INF2: variants seen among roughly 807,000 people sequenced by gnomAD.
The protein encoded by INF2 is inverted formin 2, also known as inverted formin-2.
INF2 carries 43 observed loss-of-function variants against 123.5 expected under a neutral mutation model. The ratio of observed to expected loss-of-function variants is 0.35; its 90% confidence interval spans 0.27 to 0.45. The LOEUF is 0.45. INF2 is among the 20% of genes least tolerant of loss of function. The probability of loss-of-function intolerance (pLI) is 1.00; values close to 1 mark genes in which losing one functional copy is unlikely to be tolerated. For synonymous variants in INF2, 851 were observed against 745.0 expected, an observed-to-expected ratio of 1.14 and a Z score of -2.32; for missense variants, 1,453 against 1,682.7, an observed-to-expected ratio of 0.86 and a Z score of 2.39.
Position 104,684,208 on chromosome 14 carries a change from CTG to C in INF2, c.-104+2627_-104+2628del. 2.2e-6 allele frequency: 1 copy of C among 447,580 alleles called. No individual in the cohort carries two copies. The highest frequency in any genetic ancestry group is 1.6e-5 in the South Asian group (1 of 63,780). The allele number at this position is 447,580 out of a possible 1,614,324, so 27.7% of individuals were successfully genotyped here. ...TCCCATCTGGACTCCCACCAGACAA[CTG>C]AGGCAACCGAGAAGGAGGCTGGGGA... is the stretch of plus-strand genomic sequence containing the variant. On this transcript the variant is annotated intron_variant, in intron 1 of 2. Coordinates refer to the INF2 transcript ENST00000674723. This position sits in a 1 kb window ranked among gnomAD's most constrained non-coding sequence, Gnocchi z 5.0.
chr14:104,713,330 C>T (rs541392401), intron 19 of INF2, 21 bp downstream of exon 19: 24 of 1,550,730 alleles, frequency 1.5e-5, no homozygotes, highest in East Asian at 1.2e-4. Flanking sequence ...GCCGGCTGGG[C>T]GGGGAGGGGG....
chr14:104,683,140 A>G (rs1224020865), intron 1 of INF2, among the ~76,000 whole-genome samples: 3 of 151,382 alleles, frequency 2.0e-5, no homozygotes, highest in African/African-American at 4.8e-5. Context: ...AAAGGTCCTC[A>G]AAGACACAGA....
At chr14:104,697,558 T>C (rs934430635) in intron 1 of INF2, among the ~76,000 whole-genome samples, 2 of 152,236 alleles carry the variant, frequency 1.3e-5, no homozygotes, top group Non-Finnish European at 2.9e-5. Flanking sequence ...AGCTTGACTG[T>C]TGACTGCTAG....
chr14:104,705,863 G>C (rs987525146), intron 5 of INF2, among the ~76,000 whole-genome samples, 172 bp from the exon 6 acceptor site: 2 of 152,238 alleles, frequency 1.3e-5, no homozygotes, highest in Non-Finnish European at 2.9e-5. Flanking sequence ...GCCACTCTTA[G>C]GTCGCTATCC....
At chr14:104,687,110 G>A (rs1343985566), upstream of INF2, among the ~76,000 whole-genome samples, 1 of 152,204 alleles carries the variant, frequency 6.6e-6, no homozygotes, top group Admixed American at 6.5e-5. This position sits in a 1 kb window ranked among gnomAD's most constrained non-coding sequence, Gnocchi z 5.6. Context: ...CGACACCCAG[G>A]AGGGGAGGCT....
chr14:104,699,958 G>A lies in INF2; in HGVS notation c.-9-1399G>A, dbSNP rs930003884. 1.6e-4 allele frequency among the ~76,000 whole-genome samples: 25 copies of A among 152,256 alleles called. No individual in the cohort carries two copies. Among genetic ancestry groups the A allele is most frequent in the Admixed American group, 5.9e-4 (9 of 15,304 alleles). ...CAGGTGGAGGGCTGAGGGGCGGTGC[G>A]GGGAGTAGGGGCTGGACTGCCGGAA... On this transcript the variant is annotated intron_variant, in intron 1 of 22. Coordinates refer to ENST00000392634, the MANE Select transcript of INF2 (RefSeq NM_022489.4). The surrounding 1 kb of genome is among the most constrained non-coding windows in gnomAD (Gnocchi z 4.7).
At chr14:104,681,246 A>G (rs1228236635) in exon 1 of INF2, 1 of 347,602 alleles carries the variant, frequency 2.9e-6, no homozygotes, top group African/African-American at 2.1e-5. Flanking sequence ...GGGCCCTCCC[A>G]GCGCCCCACT....
At position 104,707,067 on chromosome 14, in the gene INF2, A is replaced by G. The variant is rs758632069; in HGVS notation, c.985+16A>G. 1.5e-5 allele frequency: 23 copies of G among 1,568,624 alleles called. No individual in the cohort carries two copies. The highest frequency in any genetic ancestry group is 2.3e-5 in the South Asian group (2 of 86,700). On this transcript the variant is annotated intron_variant, in intron 7 of 22. Coordinates refer to ENST00000392634, the MANE Select transcript of INF2 (RefSeq NM_022489.4). ...GCCAGCGATGGTGAGGGGGCGGGGC[A>G]GGGGCGTAGGCACAGCCTGGTGGGC...
chr14:104,689,535 G>A, upstream of INF2: 2 of 566,780 alleles, frequency 3.5e-6, no homozygotes, highest in Non-Finnish European at 2.1e-6. Context: ...CCCGCCCCCG[G>A]CCCGCGCTCG....
intron 22 of INF2, among the ~76,000 whole-genome samples, chr14:104,717,159 A>G (rs207475216): frequency 6.6e-6 from 1 of 152,362 alleles, no homozygotes; most frequent in East Asian, 1.9e-4. Context: ...TCTTATAAAC[A>G]TCATGGCACT....
At chr14:104,715,674 T>C in intron 22 of INF2, 1 of 556,394 alleles carries the variant, frequency 1.8e-6, no homozygotes, top group Non-Finnish European at 3.4e-6. Context: ...GGGCGGGACC[T>C]CCTGGCTGGC....
chr14:104,717,221 T>TC (rs1253861680), intron 22 of INF2, among the ~76,000 whole-genome samples: 5 of 148,416 alleles, frequency 3.4e-5, no homozygotes, highest in East Asian at 2.0e-4. Context: ...TCTTCCTCAG[T>TC]CCCCCCCGGG....
At chr14:104,707,149 C>G (rs1417036734) in intron 7 of INF2, 98 bp downstream of exon 7, 8 of 1,508,652 alleles carry the variant, frequency 5.3e-6, no homozygotes, top group Non-Finnish European at 6.2e-6. Flanking sequence ...CCAACCCATC[C>G]TCTGCCCAGG....
intron 1 of INF2, among the ~76,000 whole-genome samples, chr14:104,682,782 C>T (rs1257685348): frequency 2.0e-5 from 3 of 152,142 alleles, no homozygotes; most frequent in Non-Finnish European, 4.4e-5. Flanking sequence ...AAGGGCCACC[C>T]CAGCAGTGGC....
intron 15 of INF2, 76 bp from the exon 16 acceptor site, chr14:104,711,552 TG>T: frequency 1.5e-6 from 2 of 1,292,668 alleles, no homozygotes; most frequent in Non-Finnish European, 2.2e-6. Context: ...GGGTTAGAGC[TG>T]GGGGAGTGGG....
chr14:104,700,118 C>T (rs964220907), intron 1 of INF2, among the ~76,000 whole-genome samples: 1 of 152,148 alleles, frequency 6.6e-6, no homozygotes, highest in African/African-American at 2.4e-5. Context: ...TGCTCGACCC[C>T]GCTCAGCTCC....
intron 10 of INF2, 60 bp from the exon 11 acceptor site, chr14:104,709,221 A>C: frequency 7.4e-7 from 1 of 1,345,874 alleles, no homozygotes. Flanking sequence ...GGTCCCAAAG[A>C]GGCTGGGTGG....
upstream of INF2, among the ~76,000 whole-genome samples, chr14:104,686,236 T>G (rs1253219237): frequency 6.9e-6 from 1 of 144,704 alleles, no homozygotes; most frequent in Non-Finnish European, 1.5e-5. Flanking sequence ...TGTGAGTGGA[T>G]AGGTGGGTGG....
At chr14:104,711,233 C>G (rs751037480) in intron 15 of INF2, 47 bp downstream of exon 15, 18 of 1,468,260 alleles carry the variant, frequency 1.2e-5, no homozygotes, top group Non-Finnish European at 1.6e-5. Context: ...CAAGTCCCCC[C>G]GGACCTGGGG....
Sources: allele counts gnomAD v4.1 joint callset (sites outside exome capture counted in the v4.1 genomes callset), GRCh38; gene constraint gnomAD v4.1.1; non-coding constraint Gnocchi (gnomAD v3.1); transcripts MANE v1.5; gene names NCBI Gene and HGNC (gene_info 2026-07-23, HGNC 2026-07-21).